SEMA4A: variants seen among roughly 807,000 people sequenced by gnomAD.
SEMA4A encodes semaphorin 4A, also known as semaphorin-4A.
Under a neutral mutation model 72.5 loss-of-function variants are expected in SEMA4A, and 52 were observed. The observed-to-expected ratio is 0.72, with a 90% CI of 0.57 to 0.90. The LOEUF (loss-of-function observed/expected upper bound fraction) is 0.90, where lower values mean the gene tolerates loss of function less well. Ranked by LOEUF, SEMA4A falls within the 40% of genes least tolerant of loss-of-function variation. The pLI is 0.00. For synonymous variants in SEMA4A, 369 were observed against 393.1 expected (o/e 0.94, Z 0.73); for missense variants, 926 against 959.7 (o/e 0.96, Z 0.46).
At chr1:156,166,960 A>G (rs115935686) in intron 10 of SEMA4A, among the ~76,000 whole-genome samples, 1,960 of 151,702 alleles carry the variant, frequency 0.013, 47 homozygotes, top group African/African-American at 0.045. Flanking sequence ...AAAGAAAAAG[A>G]TTTTTCGTTT....
chr1:156,161,017 T>C lies in SEMA4A; in HGVS notation c.798T>C (p.Ala266=). The change falls in exon 8 of 15, where the codon GCT becomes GCC. Residue 266 remains alanine, a synonymous_variant. Transcript: ENST00000368285. ...FFERLHTSRV[A]RVCKNDVGGE... is the part of the protein sequence containing the mutation. ...AGAGGCTCCACACATCGCGGGTGGCTAGAGTCTGCAAGGTCCGCGGCCTGG... is the reference window on the plus strand; with the variant it reads ...AGAGGCTCCACACATCGCGGGTGGCCAGAGTCTGCAAGGTCCGCGGCCTGG... The C allele has an allele frequency of 6.9e-7, 1 of 1,458,982 alleles. No individual in the cohort carries two copies. Among genetic ancestry groups the C allele is most frequent in the South Asian group, 1.1e-5 (1 of 88,536 alleles). 90.4% of individuals were successfully genotyped at this position (1,458,982 alleles called of 1,614,324 possible).
In SEMA4A at chr1:156,160,892, C is replaced by T. The variant is rs551495464; in HGVS notation, c.686-13C>T. 1 of 1,613,504 alleles carries T rather than the reference C, an allele frequency of 6.2e-7. No homozygotes were observed. The highest frequency in any genetic ancestry group is 1.3e-5 in the African/African-American group (1 of 74,912). ...GGGCTCAGTCCCTAAGCCCATCTGCCCCTCCCCCGCAGATGACGCCTCCTT... is the reference window on the plus strand; with the variant it reads ...GGGCTCAGTCCCTAAGCCCATCTGCTCCTCCCCCGCAGATGACGCCTCCTT... On this transcript the variant is annotated splice_polypyrimidine_tract_variant and intron_variant, in intron 7 of 14. Coordinates refer to ENST00000368285, the MANE Select transcript of SEMA4A (RefSeq NM_022367.4).
Position 156,157,329 on chromosome 1 carries a change from G to A in SEMA4A, c.301-741G>A, listed in dbSNP as rs1653131823. ...CTCCTGAGTAGCTGGGATTACAGGCGCCCGCCACTAGGCATGGCTGATTTT... is the reference window on the plus strand; with the variant it reads ...CTCCTGAGTAGCTGGGATTACAGGCACCCGCCACTAGGCATGGCTGATTTT... On this transcript the variant is annotated intron_variant, in intron 3 of 14. Coordinates refer to ENST00000368285, the MANE Select transcript of SEMA4A (RefSeq NM_022367.4). The surrounding 1 kb of genome is among the most constrained non-coding windows in gnomAD (Gnocchi z 4.5). 1.3e-5 allele frequency among the ~76,000 whole-genome samples: 2 copies of A among 151,904 alleles called. No individual in the cohort carries two copies. Among genetic ancestry groups the A allele is most frequent in the South Asian group, 2.1e-4 (1 of 4,808 alleles).
rs778061800 is a variant in SEMA4A, at chr1:156,158,699, C to T, written c.463-20C>T. The T allele has an allele frequency of 6.3e-7, 1 of 1,592,286 alleles. No individual in the cohort carries two copies. Among genetic ancestry groups the T allele is most frequent in the Non-Finnish European group, 8.6e-7 (1 of 1,160,226 alleles). On this transcript the variant is annotated intron_variant, in intron 5 of 14. Transcript: ENST00000368285. Reference sequence around the variant, plus strand: ...GTGAGACCTTGGCGTTCTGGCCCCCCAGCCTCTCTCCCCATTTAGGAACTT... The same window carrying T: ...GTGAGACCTTGGCGTTCTGGCCCCCTAGCCTCTCTCCCCATTTAGGAACTT...
At chr1:156,165,704 T>A (rs1217427869) in intron 10 of SEMA4A, among the ~76,000 whole-genome samples, 1 of 151,860 alleles carries the variant, frequency 6.6e-6, no homozygotes, top group Non-Finnish European at 1.5e-5. Flanking sequence ...AGGGCTACCT[T>A]ATAGGCAGTG....
chr1:156,168,011 C>G (rs574109161), intron 10 of SEMA4A, among the ~76,000 whole-genome samples: 1 of 152,204 alleles, frequency 6.6e-6, no homozygotes, highest in African/African-American at 2.4e-5. Flanking sequence ...ACCTCCACCT[C>G]TCGGCTTTAG....
intron 1 of SEMA4A, 167 bp from the exon 2 acceptor site, chr1:156,154,383 G>A: frequency 1.6e-6 from 1 of 633,954 alleles, no homozygotes; most frequent in East Asian, 2.7e-5. Flanking sequence ...GATGATGAAA[G>A]TGAGACCGTC....
intron 13 of SEMA4A, 40 bp from the exon 14 acceptor site, chr1:156,175,516 C>G: frequency 1.3e-6 from 2 of 1,513,654 alleles, no homozygotes; most frequent in Non-Finnish European, 1.8e-6. Flanking sequence ...CCACTTTCAG[C>G]TCTTTTGAAG....
intron 11 of SEMA4A, among the ~76,000 whole-genome samples, chr1:156,173,414 G>A (rs979856450): frequency 6.6e-5 from 10 of 152,164 alleles, no homozygotes; most frequent in African/African-American, 2.4e-4. Context: ...GGGCGCAGCT[G>A]GGGTTCTTGG....
intron 10 of SEMA4A, among the ~76,000 whole-genome samples, chr1:156,166,955 A>G (rs1441563558): frequency 1.3e-5 from 2 of 151,994 alleles, no homozygotes; most frequent in Non-Finnish European, 2.9e-5. Flanking sequence ...GAAAGAAAGA[A>G]AAAGATTTTT....
chr1:156,158,285 C>A, intron 4 of SEMA4A, 103 bp from the exon 5 acceptor site: 9 of 1,261,276 alleles, frequency 7.1e-6, no homozygotes, highest in Non-Finnish European at 1.0e-5. Flanking sequence ...ACAGGGACTG[C>A]CCCAGCATTA....
intron 3 of SEMA4A, 138 bp downstream of exon 3, chr1:156,156,712 A>G (rs575496386): frequency 6.4e-5 from 51 of 799,358 alleles, no homozygotes; most frequent in African/African-American, 6.0e-4. Flanking sequence ...GTATATCGTG[A>G]CAATATAACA....
Position 156,158,082 on chromosome 1 carries a change from G to A in SEMA4A, c.313G>A (p.Ala105Thr). The A allele has an allele frequency of 6.2e-7, 1 of 1,614,120 alleles. No individual in the cohort carries two copies. The highest frequency in any genetic ancestry group is 8.5e-7 in the Non-Finnish European group (1 of 1,180,018). The change falls in exon 4 of 15, where the codon GCC (alanine) becomes ACC (threonine). Residue 105 changes from alanine (A) to threonine (T), a missense_variant. Physicochemically the swap from Ala to Thr is moderately conservative, Grantham distance 58. Transcript: ENST00000368285. ...TCCCCACTTTCAGATACCGTGGCCA[G>A]CCAGTGACAGAAAAAAGAGTGAATG... ...PRLKNMIPWP[A>T]SDRKKSECAF...
chr1:156,165,907 C>CTTCT (rs546783047), intron 10 of SEMA4A, among the ~76,000 whole-genome samples: 2 of 112,948 alleles, frequency 1.8e-5, no homozygotes, highest in South Asian at 5.6e-4. Context: ...TTCCTATCTT[C>CTTCT]TTTTTTTTTT....
chr1:156,169,414 T>C (rs1654488711), intron 10 of SEMA4A, among the ~76,000 whole-genome samples: 1 of 126,634 alleles, frequency 7.9e-6, no homozygotes, highest in Non-Finnish European at 1.7e-5. Context: ...TTTCTTTTTT[T>C]TTTTTTTTTT....
intron 10 of SEMA4A, among the ~76,000 whole-genome samples, chr1:156,164,863 T>C (rs1572407027): frequency 6.6e-6 from 1 of 152,160 alleles, no homozygotes; most frequent in Admixed American, 6.5e-5. Flanking sequence ...TGCAATGGCG[T>C]GATCTCGGCT....
chr1:156,154,270 C>T, intron 1 of SEMA4A: 1 of 422,560 alleles, frequency 2.4e-6, no homozygotes, highest in Non-Finnish European at 4.3e-6. Flanking sequence ...CAAAAAAAGG[C>T]AAACCAGAGC....
intron 10 of SEMA4A, among the ~76,000 whole-genome samples, chr1:156,170,460 C>CAAAAA (rs35927446): frequency 2.5e-5 from 1 of 40,302 alleles, no homozygotes; most frequent in African/African-American, 1.0e-4. Context: ...GATACTGTCT[C>CAAAAA]AAAAAAAAAA....
At chr1:156,156,206 C>T (rs1653003185) in intron 2 of SEMA4A, 1 of 602,320 alleles carries the variant, frequency 1.7e-6, no homozygotes, top group Middle Eastern at 4.4e-4. Context: ...CTCTGGCTGC[C>T]TCTCCTCTCT....
Sources: gnomAD v4.1 joint callset for allele counts (sites outside exome capture counted in the v4.1 genomes callset) on GRCh38, gnomAD v4.1.1 for gene constraint, Gnocchi (gnomAD v3.1) non-coding constraint, MANE v1.5 for transcripts, NCBI Gene and HGNC (gene_info 2026-07-23, HGNC 2026-07-21) for gene names.